Variants in SEMA5B observed in about 807,000 individuals in gnomAD.
SEMA5B encodes the protein semaphorin-5B.
In SEMA5B, 66 loss-of-function variants were observed where a neutral mutation model predicts 135.0. That is an observed-to-expected ratio of 0.49 (90% confidence interval 0.40 to 0.60). The LOEUF (loss-of-function observed/expected upper bound fraction) is 0.60. SEMA5B is among the 20% of genes least tolerant of loss of function. The pLI is 0.00. For missense variants in SEMA5B, 1,501 were observed against 1,566.3 expected (o/e 0.96, Z 0.70); for synonymous variants, 690 against 639.5 (o/e 1.08, Z -1.19).
intron 1 of SEMA5B, among the ~76,000 whole-genome samples, chr3:122,962,837 C>A (rs955274480): frequency 6.6e-6 from 1 of 152,060 alleles, no homozygotes; most frequent in African/African-American, 2.4e-5. Flanking sequence ...ACCCCCTGAC[C>A]CCCCATGAAA....
At chr3:122,994,616 C>A (rs1238471928) in intron 1 of SEMA5B, among the ~76,000 whole-genome samples, 4 of 152,072 alleles carry the variant, frequency 2.6e-5, no homozygotes, top group Non-Finnish European at 5.9e-5. Flanking sequence ...CCACCCTAGT[C>A]CTAAGGGTTA....
chr3:122,976,134 C>T, intron 1 of SEMA5B: 2 of 1,535,212 alleles, frequency 1.3e-6, no homozygotes, highest in African/African-American at 1.4e-5. Flanking sequence ...GTGGTTTATA[C>T]ACTCTCATCA....
chr3:122,945,311 C>T (rs533494042), intron 3 of SEMA5B, among the ~76,000 whole-genome samples: 6 of 152,256 alleles, frequency 3.9e-5, no homozygotes, highest in Admixed American at 6.5e-5. Context: ...CATGTAGTCA[C>T]GATGGCTTTT....
chr3:122,949,681 T>C (rs532155375), intron 2 of SEMA5B, among the ~76,000 whole-genome samples: 1 of 152,314 alleles, frequency 6.6e-6, no homozygotes, highest in South Asian at 2.1e-4. Flanking sequence ...ATTGCTCCTA[T>C]AGATAACATT....
At chr3:122,910,614 C>T (rs1035259031) in intron 22 of SEMA5B, among the ~76,000 whole-genome samples, 9 of 151,910 alleles carry the variant, frequency 5.9e-5, no homozygotes, top group Non-Finnish European at 1.0e-4. Context: ...TCGAGACCAT[C>T]CCGGCTAAAA....
intron 14 of SEMA5B, 103 bp downstream of exon 14, chr3:122,915,337 T>C: frequency 8.6e-7 from 1 of 1,164,822 alleles, no homozygotes; most frequent in Non-Finnish European, 1.2e-6. Context: ...CCTGAAGTGG[T>C]TTCTGTCCCT....
intron 1 of SEMA5B, among the ~76,000 whole-genome samples, chr3:123,017,328 C>T (rs1249638148): frequency 6.6e-6 from 1 of 151,728 alleles, no homozygotes; most frequent in African/African-American, 2.4e-5. Context: ...ACAGCCCTAC[C>T]TCATCTTACA....
intron 3 of SEMA5B, among the ~76,000 whole-genome samples, chr3:122,944,525 T>A (rs1489268811): frequency 6.6e-6 from 1 of 152,168 alleles, no homozygotes; most frequent in East Asian, 1.9e-4. Context: ...ATATGAATAA[T>A]CCTCAATTCC....
chr3:122,954,903 C>T (rs1185214219), intron 2 of SEMA5B, among the ~76,000 whole-genome samples: 12 of 151,638 alleles, frequency 7.9e-5, no homozygotes, highest in Admixed American at 7.9e-4. Flanking sequence ...AGCGATCCTC[C>T]CTCCTCAGCC....
chr3:122,939,367 G>A, intron 5 of SEMA5B, 58 bp downstream of exon 5: 1 of 1,399,988 alleles, frequency 7.1e-7, no homozygotes, highest in East Asian at 2.3e-5. Context: ...GCGTTGCCCT[G>A]CCTTGGGCTC....
chr3:122,911,927 C>T lies in SEMA5B; in HGVS notation c.3039G>A (p.Glu1013=), dbSNP rs376649948. The part of the protein sequence containing the change: ...SSQSRPCPYS[E]IPVILPASSM... ...GCTGGCAGGGGTACCTACCGGGAAT[C>T]TCGCTGTAGGGGCAGGGGCGGCTCT... is the stretch of plus-strand genomic sequence containing the variant. Residue 1013 remains glutamate (E), a synonymous_variant, in exon 20 of 23, where the codon GAG becomes GAA. Transcript: ENST00000357599. The T allele has an allele frequency of 3.1e-6, 5 of 1,597,148 alleles. No homozygotes were observed. The highest frequency in any genetic ancestry group is 4.3e-6 in the Non-Finnish European group (5 of 1,168,196).
At chr3:122,965,357 G>A (rs1047662522) in intron 1 of SEMA5B, among the ~76,000 whole-genome samples, 4 of 152,208 alleles carry the variant, frequency 2.6e-5, no homozygotes, top group Non-Finnish European at 5.9e-5. Flanking sequence ...GAAGTTACAG[G>A]TGCCCAGGTC....
intron 1 of SEMA5B, among the ~76,000 whole-genome samples, chr3:122,986,282 A>T (rs1181485789): frequency 6.6e-6 from 1 of 152,230 alleles, no homozygotes. Flanking sequence ...GGAAACTTGA[A>T]ATTATTAGCA....
chr3:122,979,010 G>T (rs548629045), intron 1 of SEMA5B, among the ~76,000 whole-genome samples: 13 of 152,160 alleles, frequency 8.5e-5, no homozygotes, highest in Non-Finnish European at 1.8e-4. Flanking sequence ...TCGCACAGTG[G>T]CTCCGAAGGC....
At chr3:122,979,674 C>T (rs1022157867) in intron 1 of SEMA5B, among the ~76,000 whole-genome samples, 2 of 152,208 alleles carry the variant, frequency 1.3e-5, no homozygotes, top group Non-Finnish European at 2.9e-5. Flanking sequence ...TTTCATCTCA[C>T]TTCAGAAAGA....
rs762826412 is a variant in SEMA5B at position 122,915,557 on chromosome 3, A to G, written c.1871T>C (p.Leu624Ser). 3 of 1,614,128 alleles carry G rather than the reference A, an allele frequency of 1.9e-6. No individual in the cohort carries two copies. In the South Asian group the frequency reaches 3.3e-5, roughly 18 times the overall value. Residue 624 changes from leucine (L) to serine (S), a missense_variant, in exon 14 of 23, where the codon TTG becomes TCG. Transcript: ENST00000357599. The part of the protein sequence containing the change: ...PWSPWQPCEH[L>S]DGDNSGSCLC... Reference sequence around the variant, plus strand: ...GCAAGAGCCTGAGTTGTCCCCATCCAAGTGCTCACATGGTTGCCATGGTGA... The same window carrying G: ...GCAAGAGCCTGAGTTGTCCCCATCCGAGTGCTCACATGGTTGCCATGGTGA...
intron 15 of SEMA5B, 47 bp downstream of exon 15, chr3:122,913,811 G>T (rs374646257): frequency 1.9e-6 from 3 of 1,566,204 alleles, no homozygotes; most frequent in Middle Eastern, 1.8e-4. Flanking sequence ...CACTTTCTGG[G>T]GGGCCCGGTT....
At chr3:122,926,276 A>G in intron 9 of SEMA5B, 116 bp downstream of exon 9, 1 of 1,013,256 alleles carries the variant, frequency 9.9e-7, no homozygotes. Context: ...AAATCCTCAG[A>G]TGACCCCCGG....
At chr3:122,945,035 A>T (rs928201403) in intron 3 of SEMA5B, among the ~76,000 whole-genome samples, 1 of 152,140 alleles carries the variant, frequency 6.6e-6, no homozygotes, top group Non-Finnish European at 1.5e-5. Context: ...GTGTGTGTGT[A>T]ATCCAAAGGA....
Sources: allele counts gnomAD v4.1 joint callset (sites outside exome capture counted in the v4.1 genomes callset), GRCh38; gene constraint gnomAD v4.1.1; transcripts MANE v1.5; gene names NCBI Gene and HGNC (gene_info 2026-07-23, HGNC 2026-07-21).